SORBS2: variants seen among roughly 807,000 people sequenced by gnomAD.
The protein encoded by SORBS2 is sorbin and SH3 domain-containing protein 2.
A neutral mutation model predicts 97.7 loss-of-function variants in SORBS2; 46 were observed. The observed-to-expected ratio is 0.47, with a 90% CI of 0.37 to 0.60. The LOEUF is 0.60. SORBS2 is among the 20% of genes least tolerant of loss of function. SORBS2 has a pLI of 0.00. For missense variants in SORBS2, 1,316 were observed against 1,282.3 expected (o/e 1.03, Z -0.40); for synonymous variants, 476 against 473.4 (o/e 1.01, Z -0.07).
chr4:185,698,796 T>C (rs1372828324), intron 2 of SORBS2, among the ~76,000 whole-genome samples: 1 of 152,074 alleles, frequency 6.6e-6, no homozygotes, highest in East Asian at 1.9e-4. Flanking sequence ...AAATGGAAAG[T>C]GTTAATCAGG....
intron 1 of SORBS2, among the ~76,000 whole-genome samples, chr4:185,814,577 CAAAT>C (rs553799558): frequency 1.4e-5 from 2 of 147,104 alleles, no homozygotes; most frequent in African/African-American, 5.0e-5. Flanking sequence ...AACAAACAAA[CAAAT>C]ATCTGAAGTC....
chr4:185,851,851 C>T (rs2099218040), intron 1 of SORBS2, among the ~76,000 whole-genome samples: 1 of 152,158 alleles, frequency 6.6e-6, no homozygotes, highest in Non-Finnish European at 1.5e-5. Flanking sequence ...GACTGGCTCT[C>T]CTTACCCCTC....
chr4:185,673,865 C>A (rs149210866), intron 4 of SORBS2, among the ~76,000 whole-genome samples: 2 of 152,168 alleles, frequency 1.3e-5, no homozygotes, highest in Non-Finnish European at 2.9e-5. Context: ...AGCATTTGTG[C>A]GGTGAACCAT....
chr4:185,656,819 T>C, exon 1 of SORBS2: 1 of 1,389,096 alleles, frequency 7.2e-7, no homozygotes, highest in Non-Finnish European at 9.3e-7. Flanking sequence ...TAAAAAAAAA[T>C]CCAAACACTT....
chr4:185,738,516 T>TA (rs1364681069), intron 2 of SORBS2, among the ~76,000 whole-genome samples: 1 of 152,204 alleles, frequency 6.6e-6, no homozygotes, highest in Non-Finnish European at 1.5e-5. Flanking sequence ...AAGTATTTCA[T>TA]AAAAAAACTA....
At chr4:185,704,288 T>C (rs2098308071) in intron 2 of SORBS2, among the ~76,000 whole-genome samples, 1 of 152,140 alleles carries the variant, frequency 6.6e-6, no homozygotes, top group Non-Finnish European at 1.5e-5. Flanking sequence ...CCTCAGAGAA[T>C]GCTATCATTC....
At chr4:185,915,237 T>C (rs2099257464) in intron 1 of SORBS2, among the ~76,000 whole-genome samples, 1 of 152,238 alleles carries the variant, frequency 6.6e-6, no homozygotes, top group Non-Finnish European at 1.5e-5. Context: ...TGGAACTGAA[T>C]GGAGCATTTG....
At chr4:185,883,632 C>A (rs2099237939) in intron 1 of SORBS2, among the ~76,000 whole-genome samples, 1 of 152,312 alleles carries the variant, frequency 6.6e-6, no homozygotes, top group Admixed American at 6.5e-5. Flanking sequence ...GGTGAATACA[C>A]AAACAAAATG....
At chr4:185,768,632 G>A (rs1272863114) in intron 2 of SORBS2, among the ~76,000 whole-genome samples, 1 of 149,428 alleles carries the variant, frequency 6.7e-6, no homozygotes, top group East Asian at 1.9e-4. Flanking sequence ...CTGGGAGGCG[G>A]AGGTTGCAGT....
At chr4:185,820,163 A>G (rs1180136123) in intron 1 of SORBS2, among the ~76,000 whole-genome samples, 3 of 152,162 alleles carry the variant, frequency 2.0e-5, no homozygotes, top group Non-Finnish European at 4.4e-5. Context: ...AAAAAGCAAC[A>G]CAAATGCATG....
intron 2 of SORBS2, among the ~76,000 whole-genome samples, chr4:185,768,712 C>CGAA (rs2098951597): frequency 8.6e-6 from 1 of 116,804 alleles, no homozygotes; most frequent in African/African-American, 3.3e-5. Flanking sequence ...AAAAAAAAAA[C>CGAA]AAAAAAACAA....
chr4:185,930,540 C>T (rs866466666), intron 1 of SORBS2, among the ~76,000 whole-genome samples: 4 of 152,144 alleles, frequency 2.6e-5, no homozygotes, highest in Non-Finnish European at 4.4e-5. Context: ...CCTCGTGATC[C>T]GCCTGCCTCG....
intron 4 of SORBS2, among the ~76,000 whole-genome samples, chr4:185,635,875 T>A (rs79738901): frequency 6.7e-6 from 1 of 149,884 alleles, no homozygotes; most frequent in Admixed American, 6.6e-5. Context: ...TTTTATTTTT[T>A]TGAGACAGGG....
chr4:185,915,009 T>C (rs1037389121), intron 1 of SORBS2, among the ~76,000 whole-genome samples: 3 of 152,214 alleles, frequency 2.0e-5, no homozygotes, highest in African/African-American at 7.2e-5. Flanking sequence ...TAAATGAAGA[T>C]AGACTGTGTA....
chr4:185,765,893 T>C (rs2098931775), intron 2 of SORBS2, among the ~76,000 whole-genome samples: 1 of 152,222 alleles, frequency 6.6e-6, no homozygotes, highest in African/African-American at 2.4e-5. Flanking sequence ...ATTATATCAA[T>C]ACAAACTTTA....
intron 12 of SORBS2, among the ~76,000 whole-genome samples, chr4:185,601,052 C>T (rs2096251081): frequency 6.6e-6 from 1 of 152,092 alleles, no homozygotes; most frequent in South Asian, 2.1e-4. Context: ...AGAGAACTTC[C>T]GGAGGAATAA....
At chr4:185,686,729 A>C (rs1004505606) in intron 2 of SORBS2, among the ~76,000 whole-genome samples, 1 of 152,262 alleles carries the variant, frequency 6.6e-6, no homozygotes, top group Non-Finnish European at 1.5e-5. Context: ...TGAACATCTC[A>C]CAAGCACATA....
intron 9 of SORBS2, among the ~76,000 whole-genome samples, chr4:185,616,069 G>A (rs1417895554): frequency 1.3e-5 from 2 of 152,120 alleles, no homozygotes; most frequent in African/African-American, 2.4e-5. Flanking sequence ...CGATTAATTT[G>A]TATCTTCTCC....
chr4:185,620,938 T>C (rs1222135681), intron 7 of SORBS2, among the ~76,000 whole-genome samples: 2 of 152,232 alleles, frequency 1.3e-5, no homozygotes, highest in African/African-American at 4.8e-5. Flanking sequence ...ATAATCACAT[T>C]ACAAAATTTT....
Sources: allele counts gnomAD v4.1 joint callset (sites outside exome capture counted in the v4.1 genomes callset), GRCh38; gene constraint gnomAD v4.1.1; transcripts MANE v1.5; gene names NCBI Gene and HGNC (gene_info 2026-07-23, HGNC 2026-07-21).